Variants in ZFHX3 observed in about 807,000 individuals in gnomAD.
ZFHX3 encodes the protein zinc finger homeobox protein 3.
A neutral mutation model predicts 279.1 loss-of-function variants in ZFHX3; 42 were observed. That is an observed-to-expected ratio of 0.15 (90% CI 0.12 to 0.19). The LOEUF is 0.19. Among genes scored for constraint, ZFHX3 ranks in the 10% least tolerant of loss-of-function variants. The pLI is 1.00. For missense variants in ZFHX3, 4,981 were observed against 4,754.0 expected, an observed-to-expected ratio of 1.05 and a Z score of -1.40; for synonymous variants, 2,293 against 1,957.8, an observed-to-expected ratio of 1.17 and a Z score of -4.52.
In ZFHX3 at chr16:73,337,892, C is replaced by CGGTG. The variant is rs1012445200; in HGVS notation, c.-1290-19557_-1290-19556insCACC. ...TCAATAAGTCTTCATCTTCCCTTGG[C>CGGTG]GGGGGGGGGGGTCCTCATCCCCTTT... On this transcript the variant is annotated intron_variant, in intron 3 of 17. Transcript: ENST00000641206. Among the ~76,000 whole-genome samples, 3 of 79,162 alleles carry CGGTG rather than the reference C, an allele frequency of 3.8e-5. 1 individual carries two copies. The highest frequency in any genetic ancestry group is 6.0e-5 in the Non-Finnish European group (2 of 33,526). 51.9% of individuals were successfully genotyped at this position (79,162 alleles called of 152,430 possible).
At chr16:73,197,562 C>A (rs994871375) in intron 5 of ZFHX3, among the ~76,000 whole-genome samples, 1 of 152,188 alleles carries the variant, frequency 6.6e-6, no homozygotes, top group African/African-American at 2.4e-5. Context: ...ACCACCTAAA[C>A]CACTTCCCCA....
chr16:73,443,919 T>G (rs2018138262), intron 3 of ZFHX3, among the ~76,000 whole-genome samples: 1 of 152,166 alleles, frequency 6.6e-6, no homozygotes, highest in African/African-American at 2.4e-5. Flanking sequence ...CATGCCCAGC[T>G]AATTTTTTTA....
At chr16:73,432,691 CT>C (rs1329807807) in intron 3 of ZFHX3, among the ~76,000 whole-genome samples, 1 of 152,190 alleles carries the variant, frequency 6.6e-6, no homozygotes, top group Non-Finnish European at 1.5e-5. Context: ...AGACCCACTG[CT>C]GCACCCACAG....
chr16:73,026,130 T>G (rs1964487379), intron 1 of ZFHX3, among the ~76,000 whole-genome samples: 2 of 134,644 alleles, frequency 1.5e-5, no homozygotes, highest in African/African-American at 5.7e-5. Context: ...GTGGATCCCA[T>G]GAGGTCAGGA....
intron 2 of ZFHX3, among the ~76,000 whole-genome samples, chr16:73,532,227 G>T (rs1481384076): frequency 6.6e-6 from 1 of 152,048 alleles, no homozygotes; most frequent in Non-Finnish European, 1.5e-5. Flanking sequence ...GGAGATAATT[G>T]AATCATGGGG....
At chr16:73,417,202 A>T (rs76129277) in intron 3 of ZFHX3, among the ~76,000 whole-genome samples, 1,722 of 152,022 alleles carry the variant, frequency 0.011, 15 homozygotes, top group Non-Finnish European at 0.019. Context: ...GGTGTGAAAA[A>T]CAAGGGAGGA....
intron 1 of ZFHX3, among the ~76,000 whole-genome samples, chr16:73,872,248 T>G (rs894970683): frequency 2.6e-5 from 4 of 152,010 alleles, no homozygotes; most frequent in Non-Finnish European, 5.9e-5. Context: ...CATCCCTGTT[T>G]TTTTTTTTTC....
intron 4 of ZFHX3, among the ~76,000 whole-genome samples, chr16:73,297,171 C>T (rs1185723440): frequency 2.6e-5 from 4 of 151,878 alleles, no homozygotes; most frequent in South Asian, 4.2e-4. Context: ...GCCACTGCGC[C>T]GAGCCAGCAG....
At position 73,470,825 on chromosome 16, in the gene ZFHX3, C is replaced by G. The variant is rs185172550; in HGVS notation, c.-1546-14567G>C. ...GAGATTGTTTATCTATACCTCATCACGGCTACCTGTTTCCTGGGGGATCCA... is the reference window on the plus strand; with the variant it reads ...GAGATTGTTTATCTATACCTCATCAGGGCTACCTGTTTCCTGGGGGATCCA... On this transcript the variant is annotated intron_variant, in intron 2 of 17. Transcript: ENST00000641206. Among the ~76,000 whole-genome samples the G allele has an allele frequency of 1.9e-4, 29 of 152,326 alleles. No homozygotes were observed. In the South Asian group the frequency reaches 3.7e-3, roughly 20 times the overall value.
intron 1 of ZFHX3, among the ~76,000 whole-genome samples, chr16:73,738,489 A>G (rs1473306368): frequency 2.0e-5 from 3 of 152,250 alleles, no homozygotes; most frequent in African/African-American, 7.2e-5. Flanking sequence ...CTGTCTGCAC[A>G]GAGACATGAA....
chr16:73,832,769 C>G (rs1203654801), intron 1 of ZFHX3, among the ~76,000 whole-genome samples: 1 of 151,846 alleles, frequency 6.6e-6, no homozygotes, highest in Admixed American at 6.6e-5. Context: ...TGCTCACATG[C>G]TGGTATATGT....
At chr16:73,802,162 C>CTT (rs370752968) in intron 1 of ZFHX3, among the ~76,000 whole-genome samples, 4,535 of 149,966 alleles carry the variant, frequency 0.03, 111 homozygotes, top group African/African-American at 0.073. Context: ...AAATGTGTGA[C>CTT]TTTTTTTTTT....
intron 1 of ZFHX3, among the ~76,000 whole-genome samples, chr16:73,835,458 C>CTA (rs1961116896): frequency 2.0e-5 from 1 of 49,530 alleles, no homozygotes; most frequent in Non-Finnish European, 4.1e-5. Context: ...CCCTCTTCTG[C>CTA]TTTTTTTTTT....
chr16:72,888,436 C>G (rs538208770), intron 4 of ZFHX3, among the ~76,000 whole-genome samples: 56 of 152,310 alleles, frequency 3.7e-4, no homozygotes, highest in African/African-American at 1.2e-3. Flanking sequence ...AGCTCAGCAT[C>G]TGGGAGGTGG....
At chr16:73,785,905 T>C (rs529447177) in intron 1 of ZFHX3, among the ~76,000 whole-genome samples, 46 of 152,208 alleles carry the variant, frequency 3.0e-4, no homozygotes, top group African/African-American at 1.0e-3. Flanking sequence ...AGTTTCACTC[T>C]TGTTTCCCAG....
chr16:73,034,795 C>T (rs1388072907), intron 1 of ZFHX3, among the ~76,000 whole-genome samples: 2 of 152,216 alleles, frequency 1.3e-5, no homozygotes, highest in African/African-American at 4.8e-5. Context: ...TGAGCACCCC[C>T]ACCTGTACGC....
intron 3 of ZFHX3, among the ~76,000 whole-genome samples, chr16:73,396,884 G>A (rs1242658027): frequency 4.6e-5 from 7 of 152,200 alleles, no homozygotes; most frequent in South Asian, 2.1e-4. Context: ...CTCATTTGTG[G>A]TGAGGTGTGG....
intron 3 of ZFHX3, among the ~76,000 whole-genome samples, chr16:73,393,855 A>G (rs2017070165): frequency 6.7e-6 from 1 of 149,916 alleles, no homozygotes; most frequent in Non-Finnish European, 1.5e-5. Context: ...TGCCAACACT[A>G]CAGATATCCT....
chr16:73,315,856 T>G (rs2015434410), intron 4 of ZFHX3, among the ~76,000 whole-genome samples: 1 of 152,212 alleles, frequency 6.6e-6, no homozygotes, highest in Admixed American at 6.5e-5. Context: ...GAGAAGCTTT[T>G]AACTCTATTT....
Sources: gnomAD v4.1 joint callset for allele counts (sites outside exome capture counted in the v4.1 genomes callset) on GRCh38, gnomAD v4.1.1 for gene constraint, MANE v1.5 for transcripts, NCBI Gene and HGNC (gene_info 2026-07-23, HGNC 2026-07-21) for gene names.